SGIP1: variants seen among roughly 807,000 people sequenced by gnomAD.
SGIP1 encodes SH3GL interacting endocytic adaptor 1, also known as SH3-containing GRB2-like protein 3-interacting protein 1.
In SGIP1, 38 loss-of-function variants were observed where a neutral mutation model predicts 107.5. The observed-to-expected ratio is 0.35, with a 90% CI of 0.27 to 0.46. SGIP1 has a LOEUF of 0.46. Among genes scored for constraint, SGIP1 ranks in the 20% least tolerant of loss-of-function variants. The probability of loss-of-function intolerance (pLI) is 1.00; values close to 1 mark genes in which losing one functional copy is unlikely to be tolerated. For synonymous variants in SGIP1, 365 were observed against 366.1 expected (o/e 1.00, Z 0.03); for missense variants, 929 against 1,019.5 (o/e 0.91, Z 1.21).
In SGIP1 at chr1:66,673,335, A is replaced by C; in HGVS notation, c.615A>C (p.Leu205=). ...TALAPLFGPP[L]ESAFDEQKTE... ...TTGCTCCTCTCTTTGGCCCACCACTAGAATCAGCTTTTGATGAACAGAAGA... is the reference window on the plus strand; with the variant it reads ...TTGCTCCTCTCTTTGGCCCACCACTCGAATCAGCTTTTGATGAACAGAAGA... The change falls in exon 12 of 25, where the codon CTA becomes CTC. Residue 205 remains leucine (L), a synonymous_variant. Transcript: ENST00000371037. The C allele has an allele frequency of 6.2e-7, 1 of 1,612,710 alleles. No homozygotes were observed. Among genetic ancestry groups the C allele is most frequent in the Non-Finnish European group, 8.5e-7 (1 of 1,179,718 alleles).
At position 66,682,094 on chromosome 1, in the gene SGIP1, C is replaced by G. The variant is rs1476993504; in HGVS notation, c.1040C>G (p.Pro347Arg). 6.2e-7 allele frequency: 1 copy of G among 1,614,110 alleles called. No homozygotes were observed. The highest frequency in any genetic ancestry group is 8.5e-7 in the Non-Finnish European group (1 of 1,180,044). The change falls in exon 15 of 25, where the codon CCA becomes CGA. Residue 347 changes from proline (P) to arginine (R), a missense_variant. By Grantham distance (103) the Pro-to-Arg change is moderately radical. Transcript: ENST00000371037. ...PATPDNPADS[P>R]APGPLGPPGP... is the part of the protein sequence containing the mutation. ...ACACCAGACAACCCAGCTGACTCCCCAGCTCCAGGCCCTCTCGGCCCCCCA... is the reference window on the plus strand; with the variant it reads ...ACACCAGACAACCCAGCTGACTCCCGAGCTCCAGGCCCTCTCGGCCCCCCA...
chr1:66,732,041 G>A (rs189452318), intron 20 of SGIP1, among the ~76,000 whole-genome samples: 237 of 152,236 alleles, frequency 1.6e-3, no homozygotes, highest in Non-Finnish European at 2.7e-3. Flanking sequence ...ATTAAAGCAG[G>A]TTCTCTAAGA....
intron 1 of SGIP1, among the ~76,000 whole-genome samples, chr1:66,594,608 T>C (rs1000474123): frequency 2.0e-5 from 3 of 152,128 alleles, no homozygotes; most frequent in Admixed American, 6.5e-5. Flanking sequence ...GGAGCAGTCA[T>C]GCGGCCCAGA....
intron 1 of SGIP1, among the ~76,000 whole-genome samples, chr1:66,611,825 C>A (rs770245372): frequency 6.6e-6 from 1 of 152,048 alleles, no homozygotes; most frequent in Non-Finnish European, 1.5e-5. Flanking sequence ...GGAGAGGGAA[C>A]GCTGGCAAAA....
rs187895341 is a variant in SGIP1 at position 66,667,978 on chromosome 1, C to T, written c.483+437C>T. Among the ~76,000 whole-genome samples the T allele has an allele frequency of 4.9e-3, 746 of 152,216 alleles. 20 individuals are homozygous for T. Among genetic ancestry groups the T allele is most frequent in the Admixed American group, 0.044 (679 of 15,280 alleles). On this transcript the variant is annotated intron_variant, in intron 9 of 24. Transcript: ENST00000371037. ...TGTAAGCCTGAATTCAAAATATGTT[C>T]CTGGACCATAACTTACAATGATCAG... is the stretch of plus-strand genomic sequence containing the variant.
chr1:66,660,459 A>G, intron 7 of SGIP1, 54 bp from the exon 8 acceptor site: 1 of 1,492,510 alleles, frequency 6.7e-7, no homozygotes, highest in Non-Finnish European at 9.3e-7. Flanking sequence ...TTGAAAATAC[A>G]TTTCACCTCT....
intron 8 of SGIP1, chr1:66,666,633 C>T (rs1260496697): frequency 6.6e-6 from 1 of 152,234 alleles, no homozygotes; most frequent in Non-Finnish European, 1.5e-5. Context: ...TTGTTTGTGT[C>T]CTCTTTTATT....
intron 1 of SGIP1, among the ~76,000 whole-genome samples, chr1:66,604,262 G>C (rs2149063225): frequency 6.6e-6 from 1 of 152,252 alleles, no homozygotes; most frequent in East Asian, 1.9e-4. Flanking sequence ...AGAGTTCTGA[G>C]TTTCGTCTCA....
chr1:66,536,434 T>C (rs1415984), intron 1 of SGIP1, among the ~76,000 whole-genome samples: 111,847 of 152,114 alleles, frequency 0.74, 42,032 homozygotes, highest in East Asian at 1. Context: ...CAAATAGGAG[T>C]TTAACCAAAA....
At chr1:66,605,841 G>A (rs1333426692) in intron 1 of SGIP1, among the ~76,000 whole-genome samples, 1 of 152,140 alleles carries the variant, frequency 6.6e-6, no homozygotes, top group Admixed American at 6.5e-5. Context: ...TGTCTTGAGA[G>A]AAAAGGCAGT....
At chr1:66,684,233 G>A in intron 15 of SGIP1, 1 of 1,550,092 alleles carries the variant, frequency 6.5e-7, no homozygotes, top group Non-Finnish European at 8.7e-7. Flanking sequence ...GTGCTCTCCA[G>A]GCACTTTTGT....
At chr1:66,618,853 C>A (rs2070156961) in intron 1 of SGIP1, among the ~76,000 whole-genome samples, 1 of 152,194 alleles carries the variant, frequency 6.6e-6, no homozygotes, top group African/African-American at 2.4e-5. Context: ...ACCTCTTAGA[C>A]TCTCTATCAA....
intron 1 of SGIP1, among the ~76,000 whole-genome samples, chr1:66,559,846 G>A (rs1176697507): frequency 6.6e-6 from 1 of 152,050 alleles, no homozygotes; most frequent in Non-Finnish European, 1.5e-5. Flanking sequence ...TTAGCTTAAT[G>A]AAGATAATCA....
At chr1:66,664,256 T>C (rs1353501385) in intron 8 of SGIP1, among the ~76,000 whole-genome samples, 1 of 152,190 alleles carries the variant, frequency 6.6e-6, no homozygotes, top group Non-Finnish European at 1.5e-5. Context: ...CTTTTTTTTC[T>C]AATTTCATTT....
chr1:66,618,549 T>C (rs1259263095), intron 1 of SGIP1, among the ~76,000 whole-genome samples: 1 of 152,224 alleles, frequency 6.6e-6, no homozygotes, highest in Non-Finnish European at 1.5e-5. Flanking sequence ...CAAACAGACC[T>C]AGCTCAACAT....
chr1:66,716,250 T>C (rs935652946), intron 18 of SGIP1, among the ~76,000 whole-genome samples: 1 of 152,162 alleles, frequency 6.6e-6, no homozygotes, highest in Non-Finnish European at 1.5e-5. Context: ...GCAATGGATG[T>C]ATAGCTACTG....
chr1:66,546,885 A>C (rs1338634390), intron 1 of SGIP1, among the ~76,000 whole-genome samples: 1 of 152,188 alleles, frequency 6.6e-6, no homozygotes, highest in Non-Finnish European at 1.5e-5. Context: ...TCCTTTCTGC[A>C]AGTCCCGACT....
intron 8 of SGIP1, among the ~76,000 whole-genome samples, chr1:66,662,243 C>G (rs1386448751): frequency 1.3e-5 from 2 of 152,194 alleles, no homozygotes; most frequent in Non-Finnish European, 2.9e-5. Flanking sequence ...ATTAATCACT[C>G]AATTTGCTAA....
intron 13 of SGIP1, among the ~76,000 whole-genome samples, chr1:66,677,675 C>T (rs2085700628): frequency 6.6e-6 from 1 of 152,196 alleles, no homozygotes. Flanking sequence ...TCCTGAAGAT[C>T]CAGATAGCCG....
Sources: allele counts gnomAD v4.1 joint callset (sites outside exome capture counted in the v4.1 genomes callset), GRCh38; gene constraint gnomAD v4.1.1; transcripts MANE v1.5; gene names NCBI Gene and HGNC (gene_info 2026-07-23, HGNC 2026-07-21).